The following COL4A2 variants were observed in gnomAD, a reference collection of about 807,000 sequenced individuals.
COL4A2 encodes the protein collagen alpha-2(IV) chain.
Under a neutral mutation model 200.2 loss-of-function variants are expected in COL4A2, and 99 were observed. The ratio of observed to expected loss-of-function variants is 0.49; its 90% CI spans 0.42 to 0.58. The LOEUF is 0.58. COL4A2 is among the 20% of genes least tolerant of loss of function. The pLI, the probability that COL4A2 is intolerant of heterozygous loss-of-function variation, is 0.00. For missense variants in COL4A2, 1,950 were observed against 2,314.1 expected, an observed-to-expected ratio of 0.84 and a Z score of 3.23; for synonymous variants, 897 against 900.6, an observed-to-expected ratio of 1.00 and a Z score of 0.07.
intron 10 of COL4A2, 44 bp downstream of exon 10, chr13:110,430,651 G>C (rs202050913): frequency 3.7e-6 from 6 of 1,613,380 alleles, no homozygotes; most frequent in Non-Finnish European, 5.1e-6. Context: ...CCATCGTCCG[G>C]TCATCCCTTC....
intron 4 of COL4A2, among the ~76,000 whole-genome samples, chr13:110,367,644 A>C (rs1877812908): frequency 6.6e-6 from 1 of 152,254 alleles, no homozygotes; most frequent in Admixed American, 6.5e-5. Context: ...CTGTCAGCAA[A>C]AGCAGGCTTT....
intron 4 of COL4A2, among the ~76,000 whole-genome samples, chr13:110,388,010 C>A (rs188440198): frequency 6.6e-6 from 1 of 152,200 alleles, no homozygotes; most frequent in Non-Finnish European, 1.5e-5. Context: ...AAAGCTTCCC[C>A]GTGGACTGCA....
chr13:110,333,048 G>A (rs1187079579), intron 3 of COL4A2, among the ~76,000 whole-genome samples: 1 of 152,208 alleles, frequency 6.6e-6, no homozygotes, highest in African/African-American at 2.4e-5. Flanking sequence ...GTGAAGGGCT[G>A]CAGCTGTGCA....
chr13:110,487,507 C>T (rs1298722969), intron 34 of COL4A2, among the ~76,000 whole-genome samples: 1 of 152,168 alleles, frequency 6.6e-6, no homozygotes, highest in Non-Finnish European at 1.5e-5. Context: ...ACACCTACAA[C>T]ATCCAAAGGA....
chr13:110,370,368 A>G (rs1359553009), intron 4 of COL4A2, among the ~76,000 whole-genome samples: 4 of 152,046 alleles, frequency 2.6e-5, no homozygotes, highest in African/African-American at 4.8e-5. Flanking sequence ...GGTTCAAGCA[A>G]TTCTCCTGCC....
chr13:110,466,537 A>T (rs1421992879), intron 26 of COL4A2, among the ~76,000 whole-genome samples: 1 of 152,274 alleles, frequency 6.6e-6, no homozygotes. Context: ...GCTCCCAGCC[A>T]CACCAACCAG....
intron 4 of COL4A2, among the ~76,000 whole-genome samples, chr13:110,387,981 G>A (rs954046536): frequency 6.6e-6 from 1 of 152,194 alleles, no homozygotes; most frequent in Non-Finnish European, 1.5e-5. Flanking sequence ...GTCCAAACAC[G>A]TGTGCCTCGG....
chr13:110,446,693 C>A, intron 17 of COL4A2, 105 bp from the exon 18 acceptor site: 2 of 927,668 alleles, frequency 2.2e-6, no homozygotes, highest in Non-Finnish European at 1.7e-6. Context: ...AGCTGCTCTG[C>A]CAGCCTGACG....
chr13:110,469,419 A>T, intron 28 of COL4A2, 95 bp downstream of exon 28: 1 of 1,285,554 alleles, frequency 7.8e-7, no homozygotes, highest in South Asian at 1.4e-5. Context: ...TCCACTTTGT[A>T]GAAGCTGTTT....
At chr13:110,411,035 T>C (rs1879811191) in intron 4 of COL4A2, among the ~76,000 whole-genome samples, 1 of 152,294 alleles carries the variant, frequency 6.6e-6, no homozygotes, top group Non-Finnish European at 1.5e-5. Context: ...AAGCCCTCAC[T>C]CACGGCCTGT....
At chr13:110,333,392 C>A (rs1876018982) in intron 3 of COL4A2, among the ~76,000 whole-genome samples, 1 of 152,220 alleles carries the variant, frequency 6.6e-6, no homozygotes, top group African/African-American at 2.4e-5. Context: ...CTACTTCGTC[C>A]AAGCCAGGTC....
rs1328695139 is a variant in COL4A2 at position 110,480,243 on chromosome 13, C to G, written c.2611C>G (p.Pro871Ala). 1 of 1,608,884 alleles carries G rather than the reference C, an allele frequency of 6.2e-7. No homozygotes were observed. Among genetic ancestry groups the G allele is most frequent in the East Asian group, 2.2e-5 (1 of 44,734 alleles). The change falls in exon 31 of 48, where the codon CCT (proline) becomes GCT (alanine). Residue 871 changes from proline to alanine, a missense_variant. This residue lies in a region of COL4A2 where 1,385 missense variants were observed against 1,720.5 expected (regional missense o/e 0.80). Coordinates refer to ENST00000360467, the MANE Select transcript of COL4A2 (RefSeq NM_001846.4). ...REGLPGDRGD[P>A]GDTGAPGPVG... ...AGGTCTGCCTGGTGATAGAGGGGAC[C>G]CTGGGGACACAGGCGCTCCTGGCCC...
At chr13:110,452,027 A>ACAATGAC (rs1448567262) in intron 20 of COL4A2, among the ~76,000 whole-genome samples, 1 of 152,230 alleles carries the variant, frequency 6.6e-6, no homozygotes, top group Admixed American at 6.5e-5. Flanking sequence ...CATTGCCCCT[A>ACAATGAC]ATAATCTCTT....
rs372108933 is a variant in COL4A2, at chr13:110,482,571, G to C, written c.2814G>C (p.Gly938=). ...DGFQGMPGLK[G]RPGFPGSKGE... is the part of the protein sequence containing the mutation. Reference sequence around the variant, plus strand: ...TCCAAGGCATGCCTGGACTCAAAGGGAGACCCGGGTTTCCAGGGAGCAAAG... The same window carrying C: ...TCCAAGGCATGCCTGGACTCAAAGGCAGACCCGGGTTTCCAGGGAGCAAAG... Residue 938 remains glycine (G), a synonymous_variant, in exon 32 of 48, where the codon GGG becomes GGC. Coordinates refer to ENST00000360467, the MANE Select transcript of COL4A2 (RefSeq NM_001846.4). The C allele has an allele frequency of 3.1e-6, 5 of 1,614,056 alleles. No individual in the cohort carries two copies. Among genetic ancestry groups the C allele is most frequent in the Non-Finnish European group, 4.2e-6 (5 of 1,180,038 alleles).
chr13:110,436,470 C>T (rs2139464742), intron 13 of COL4A2, 103 bp downstream of exon 13: 1 of 1,436,112 alleles, frequency 7.0e-7, no homozygotes, highest in Non-Finnish European at 9.3e-7. Flanking sequence ...GAAAAAGCCT[C>T]ACCACCAACT....
chr13:110,465,531 C>T lies in COL4A2; in HGVS notation c.1903C>T (p.Pro635Ser). The change falls in exon 25 of 48, where the codon CCT (proline) becomes TCT (serine). Residue 635 changes from proline (P) to serine (S), a missense_variant. Physicochemically the swap from Pro to Ser is moderately conservative, Grantham distance 74 (BLOSUM62 -1). This residue lies in a region of COL4A2 where 1,385 missense variants were observed against 1,720.5 expected (regional missense o/e 0.80). Coordinates refer to ENST00000360467, the MANE Select transcript of COL4A2 (RefSeq NM_001846.4). ...CGGCCTCAAAGGCCAACGTGGTTTC[C>T]CTGGAGACGCCGGCTTACCTGGACC... Reference protein sequence around the residue: ...LPGLKGQRGFPGDAGLPGPPG... With the variant: ...LPGLKGQRGFSGDAGLPGPPG... 6.2e-7 allele frequency: 1 copy of T among 1,614,028 alleles called. No homozygotes were observed. Among genetic ancestry groups the T allele is most frequent in the South Asian group, 1.1e-5 (1 of 91,086 alleles).
intron 4 of COL4A2, among the ~76,000 whole-genome samples, chr13:110,374,473 C>T (rs1423086889): frequency 6.6e-6 from 1 of 152,172 alleles, no homozygotes; most frequent in Non-Finnish European, 1.5e-5. Context: ...TCTCCCTAAA[C>T]AAAATCACTA....
chr13:110,362,365 A>G (rs1322831194), intron 4 of COL4A2, among the ~76,000 whole-genome samples: 3 of 152,160 alleles, frequency 2.0e-5, no homozygotes, highest in African/African-American at 7.2e-5. Flanking sequence ...ATCAGCACCA[A>G]ACAAGGTGCC....
At chr13:110,496,186 T>C (rs1220635829) in intron 40 of COL4A2, among the ~76,000 whole-genome samples, 1 of 152,164 alleles carries the variant, frequency 6.6e-6, no homozygotes, top group Non-Finnish European at 1.5e-5. Flanking sequence ...CTGGCTTCCA[T>C]CCACAAAGGC....
Sources: allele counts gnomAD v4.1 joint callset (sites outside exome capture counted in the v4.1 genomes callset), GRCh38; gene constraint gnomAD v4.1.1; regional missense constraint gnomAD v4.1.1; transcripts MANE v1.5; gene names NCBI Gene and HGNC (gene_info 2026-07-23, HGNC 2026-07-21).